The following ZBTB40 variants were observed in gnomAD, a reference collection of about 807,000 sequenced individuals.
ZBTB40 encodes zinc finger and BTB domain-containing protein 40.
In ZBTB40, 60 loss-of-function variants were observed where a neutral mutation model predicts 117.5. The ratio of observed to expected loss-of-function variants is 0.51; its 90% CI spans 0.41 to 0.63. ZBTB40 has a LOEUF of 0.63. ZBTB40 is among the 30% of genes least tolerant of loss of function. The pLI, the probability that ZBTB40 is intolerant of heterozygous loss-of-function variation, is 0.00. For missense variants in ZBTB40, 1,287 were observed against 1,498.5 expected, an observed-to-expected ratio of 0.86 and a Z score of 2.33; for synonymous variants, 525 against 577.1, an observed-to-expected ratio of 0.91 and a Z score of 1.29.
At chr1:22,496,782 C>A (rs1638787912) in intron 3 of ZBTB40, among the ~76,000 whole-genome samples, 1 of 152,204 alleles carries the variant, frequency 6.6e-6, no homozygotes, top group Non-Finnish European at 1.5e-5. Context: ...GAAATGGCAG[C>A]AGCTGCTCTA....
At chr1:22,504,855 G>T (rs1021312309) in intron 5 of ZBTB40, among the ~76,000 whole-genome samples, 2 of 152,184 alleles carry the variant, frequency 1.3e-5, no homozygotes, top group African/African-American at 4.8e-5. Context: ...ACCAGTATCT[G>T]GCTGCCTCTT....
At chr1:22,451,704 T>TG (rs1640872737), upstream of ZBTB40, 3 of 144,434 alleles carry the variant, frequency 2.1e-5, no homozygotes, top group Admixed American at 6.9e-5. Context: ...AAGGAGGGAG[T>TG]GGCCAAGGTC....
chr1:22,448,941 T>A (rs1640821702), upstream of ZBTB40, among the ~76,000 whole-genome samples: 1 of 152,022 alleles, frequency 6.6e-6, no homozygotes, highest in Admixed American at 6.6e-5. Flanking sequence ...GCCTCCTGAG[T>A]AGCTGGGATT....
chr1:22,465,757 T>TG (rs1641239663), intron 1 of ZBTB40, among the ~76,000 whole-genome samples: 1 of 152,084 alleles, frequency 6.6e-6, no homozygotes, highest in Admixed American at 6.6e-5. Context: ...AGCCATGGTT[T>TG]GGGGGGTTTC....
intron 3 of ZBTB40, among the ~76,000 whole-genome samples, chr1:22,494,796 TAA>T (rs900789302): frequency 3.3e-5 from 5 of 152,222 alleles, no homozygotes; most frequent in Non-Finnish European, 7.3e-5. Flanking sequence ...TCCCTGTCCT[TAA>T]AGAGTATCTT....
intron 1 of ZBTB40, among the ~76,000 whole-genome samples, chr1:22,463,178 G>A (rs1641170176): frequency 1.3e-5 from 2 of 152,282 alleles, no homozygotes; most frequent in South Asian, 2.1e-4. Flanking sequence ...CTGGTAAGAG[G>A]GGCAGAGCTG....
In ZBTB40 at chr1:22,513,186, C is replaced by A. The variant is rs1323124281; in HGVS notation, c.2668+56C>A. On this transcript the variant is annotated intron_variant, in intron 12 of 17. Transcript: ENST00000375647. The surrounding 1 kb of genome is among the most constrained non-coding windows in gnomAD (Gnocchi z 4.9). ...AGACTTTCACTGCGAACTGCCTAAA[C>A]CCCATTTGGATTAGGTGTGATATAT... 6.4e-7 allele frequency: 1 copy of A among 1,572,800 alleles called. No individual in the cohort carries two copies. Among genetic ancestry groups the A allele is most frequent in the African/African-American group, 1.3e-5 (1 of 74,154 alleles).
chr1:22,503,830 C>T (rs1045821207), intron 5 of ZBTB40, among the ~76,000 whole-genome samples: 2 of 152,146 alleles, frequency 1.3e-5, no homozygotes, highest in Non-Finnish European at 2.9e-5. Flanking sequence ...TCCTGATTCC[C>T]TCTTTAGTGA....
intron 3 of ZBTB40, among the ~76,000 whole-genome samples, chr1:22,493,417 A>T (rs1468504399): frequency 6.6e-6 from 1 of 152,182 alleles, no homozygotes; most frequent in Non-Finnish European, 1.5e-5. Context: ...GCTGCTTTGT[A>T]CTTCGGCCTC....
chr1:22,479,480 CTG>C (rs993140166), intron 1 of ZBTB40, among the ~76,000 whole-genome samples: 42 of 152,246 alleles, frequency 2.8e-4, no homozygotes, highest in African/African-American at 9.6e-4. Flanking sequence ...TATTTGAAAA[CTG>C]TTGCTCCATT....
At chr1:22,494,877 C>G (rs1276500182) in intron 3 of ZBTB40, among the ~76,000 whole-genome samples, 6 of 152,198 alleles carry the variant, frequency 3.9e-5, no homozygotes, top group African/African-American at 1.4e-4. Flanking sequence ...CGCCAAATTA[C>G]AGATTTCACC....
intron 17 of ZBTB40, among the ~76,000 whole-genome samples, chr1:22,525,384 C>T (rs1230506648): frequency 6.6e-6 from 1 of 152,220 alleles, no homozygotes; most frequent in East Asian, 1.9e-4. Flanking sequence ...GGAGAAGTAG[C>T]TGGGCTTGGC....
At chr1:22,502,823 G>A (rs1383170981) in intron 5 of ZBTB40, among the ~76,000 whole-genome samples, 1 of 152,140 alleles carries the variant, frequency 6.6e-6, no homozygotes, top group Non-Finnish European at 1.5e-5. Context: ...AAATGTTAAG[G>A]AAATTTTGTA....
chr1:22,465,637 G>A (rs948749055), intron 1 of ZBTB40, among the ~76,000 whole-genome samples: 2 of 152,200 alleles, frequency 1.3e-5, no homozygotes, highest in African/African-American at 2.4e-5. Flanking sequence ...GATTGAGATC[G>A]GAGTGGGTGC....
rs1334035466 is a variant in ZBTB40, at chr1:22,513,164, CTT to C, written c.2668+36_2668+37del. The C allele has an allele frequency of 6.2e-7, 1 of 1,603,596 alleles. No homozygotes were observed. Among genetic ancestry groups the C allele is most frequent in the Admixed American group, 1.7e-5 (1 of 58,566 alleles). On this transcript the variant is annotated intron_variant, in intron 12 of 17. Coordinates refer to ENST00000375647, the MANE Select transcript of ZBTB40 (RefSeq NM_014870.4). This position sits in a 1 kb window ranked among gnomAD's most constrained non-coding sequence, Gnocchi z 4.9. Reference sequence around the variant, plus strand: ...GGGCACAGTTCATTTCTCCTGCAGACTTTCACTGCGAACTGCCTAAACCCCAT... The same window carrying C: ...GGGCACAGTTCATTTCTCCTGCAGACTCACTGCGAACTGCCTAAACCCCAT...
chr1:22,510,623 A>G (rs1557516745), intron 9 of ZBTB40, among the ~76,000 whole-genome samples: 2 of 152,220 alleles, frequency 1.3e-5, no homozygotes, highest in Admixed American at 1.3e-4. Context: ...TTGAAATAAT[A>G]TTCTTGGACT....
chr1:22,435,115 T>C (rs10799755), intron 1 of ZBTB40, among the ~76,000 whole-genome samples: 104,124 of 151,460 alleles, frequency 0.69, 39,452 homozygotes, highest in East Asian at 0.92. Flanking sequence ...ATCCTCCCAC[T>C]TTGGCCTCCT....
intron 1 of ZBTB40, among the ~76,000 whole-genome samples, chr1:22,454,222 G>A (rs1640952788): frequency 6.6e-6 from 1 of 152,148 alleles, no homozygotes; most frequent in Non-Finnish European, 1.5e-5. Context: ...CAAAGTGCTG[G>A]GATTATAGGC....
chr1:22,489,494 G>A (rs927373300), intron 1 of ZBTB40, among the ~76,000 whole-genome samples: 1 of 152,048 alleles, frequency 6.6e-6, no homozygotes, highest in Non-Finnish European at 1.5e-5. Flanking sequence ...GTGGCTGAGA[G>A]CTTTTTGGGA....
Sources: allele counts gnomAD v4.1 joint callset (sites outside exome capture counted in the v4.1 genomes callset), GRCh38; gene constraint gnomAD v4.1.1; non-coding constraint Gnocchi (gnomAD v3.1); transcripts MANE v1.5; gene names NCBI Gene and HGNC (gene_info 2026-07-23, HGNC 2026-07-21).